Variants in SLC9A9 observed in about 807,000 individuals in gnomAD.
SLC9A9 encodes the protein solute carrier family 9 member A9.
In SLC9A9, 62 loss-of-function variants were observed where a neutral mutation model predicts 77.8. The observed-to-expected ratio is 0.80, with a 90% CI of 0.65 to 0.98. SLC9A9 has a LOEUF of 0.98. Ranked by LOEUF, SLC9A9 falls within the 50% of genes least tolerant of loss-of-function variation. The probability of loss-of-function intolerance (pLI) is 0.00; values close to 1 mark genes in which losing one functional copy is unlikely to be tolerated. For missense variants in SLC9A9, 775 were observed against 774.9 expected (o/e 1.00, Z 0.00); for synonymous variants, 320 against 283.5 (o/e 1.13, Z -1.29).
intron 6 of SLC9A9, among the ~76,000 whole-genome samples, chr3:143,651,391 G>C (rs927606458): frequency 2.0e-5 from 3 of 152,172 alleles, no homozygotes; most frequent in Non-Finnish European, 4.4e-5. Context: ...AAAAAGAGTA[G>C]TGCTGCTCTG....
At chr3:143,403,108 T>C (rs1482091237) in intron 12 of SLC9A9, among the ~76,000 whole-genome samples, 1 of 152,174 alleles carries the variant, frequency 6.6e-6, no homozygotes, top group Non-Finnish European at 1.5e-5. Flanking sequence ...ATATATGTTA[T>C]AAACACAATT....
chr3:143,781,029 C>T (rs1335558022), intron 4 of SLC9A9, among the ~76,000 whole-genome samples: 3 of 152,064 alleles, frequency 2.0e-5, no homozygotes, highest in East Asian at 3.8e-4. Context: ...AAATATGTCC[C>T]CATATACTCT....
At chr3:143,807,371 A>G (rs1003561612) in intron 2 of SLC9A9, among the ~76,000 whole-genome samples, 1 of 152,266 alleles carries the variant, frequency 6.6e-6, no homozygotes. Flanking sequence ...ATGAGCCAGT[A>G]TAACAAAAGA....
chr3:143,497,614 A>G (rs892787391), intron 9 of SLC9A9, among the ~76,000 whole-genome samples: 7 of 152,214 alleles, frequency 4.6e-5, no homozygotes, highest in Non-Finnish European at 8.8e-5. Context: ...CGCCTGAAAG[A>G]GAAGCCAGTT....
intron 6 of SLC9A9, among the ~76,000 whole-genome samples, chr3:143,590,088 TA>T (rs1387925697): frequency 2.0e-5 from 3 of 152,226 alleles, no homozygotes; most frequent in African/African-American, 7.2e-5. Context: ...AATATGAAAC[TA>T]TATCCCATAT....
intron 2 of SLC9A9, among the ~76,000 whole-genome samples, chr3:143,798,651 G>A (rs1452778980): frequency 1.3e-5 from 2 of 152,128 alleles, no homozygotes; most frequent in African/African-American, 4.8e-5. Context: ...AAACTCGACA[G>A]TGGTTCCAAA....
At chr3:143,414,968 C>T (rs1295782724) in intron 12 of SLC9A9, among the ~76,000 whole-genome samples, 2 of 152,116 alleles carry the variant, frequency 1.3e-5, no homozygotes, top group Non-Finnish European at 2.9e-5. Context: ...GGGAACACAC[C>T]GATGGCAAGA....
chr3:143,723,188 G>A (rs1205427057), intron 4 of SLC9A9, among the ~76,000 whole-genome samples: 2 of 151,894 alleles, frequency 1.3e-5, no homozygotes, highest in African/African-American at 4.8e-5. Context: ...AAAATAATAT[G>A]TCTCCCTGGG....
chr3:143,790,812 TTCTC>T (rs1366208039), intron 4 of SLC9A9, among the ~76,000 whole-genome samples: 8 of 152,250 alleles, frequency 5.3e-5, no homozygotes, highest in Non-Finnish European at 5.9e-5. Context: ...TTAAAATTAA[TTCTC>T]CATTCCTGAT....
Position 143,848,363 on chromosome 3 carries a change from A to G in SLC9A9, c.-41T>C, listed in dbSNP as rs1240255244. The G allele has an allele frequency of 1.4e-5, 23 of 1,613,514 alleles. No homozygotes were observed. Among genetic ancestry groups the G allele is most frequent in the Non-Finnish European group, 1.9e-5 (23 of 1,179,600 alleles). On this transcript the variant is annotated 5_prime_UTR_variant, in exon 1 of 16. Transcript: ENST00000316549. ...GGATTCCTTAGATAAAAACCTGGAT[A>G]AAGGCTATTTTATCAAGATTTGCCT...
chr3:143,795,116 A>T (rs763881606), intron 3 of SLC9A9, 39 bp from the exon 4 acceptor site: 17 of 1,562,616 alleles, frequency 1.1e-5, no homozygotes, highest in Non-Finnish European at 1.4e-5. Context: ...GTACATCAGA[A>T]TTTTTTCTTA....
At chr3:143,688,967 A>G (rs904540552) in intron 5 of SLC9A9, among the ~76,000 whole-genome samples, 10 of 151,690 alleles carry the variant, frequency 6.6e-5, no homozygotes, top group Non-Finnish European at 1.3e-4. Context: ...TTTATTATAA[A>G]TTACATGAAT....
At position 143,837,540 on chromosome 3, in the gene SLC9A9, A is replaced by G. The variant is rs554307248; in HGVS notation, c.176-5319T>C. 3.7e-3 allele frequency among the ~76,000 whole-genome samples: 567 copies of G among 152,282 alleles called. 5 individuals are homozygous for G. Among genetic ancestry groups the G allele is most frequent in the African/African-American group, 0.013 (545 of 41,546 alleles). On this transcript the variant is annotated intron_variant, in intron 1 of 15. Coordinates refer to ENST00000316549, the MANE Select transcript of SLC9A9 (RefSeq NM_173653.4). ...AGCCTCAAACCATGTAATATTATATAATATCATATTTCAAACTGGTAAGTG... is the reference window on the plus strand; with the variant it reads ...AGCCTCAAACCATGTAATATTATATGATATCATATTTCAAACTGGTAAGTG...
At chr3:143,369,741 C>A (rs1413341027) in intron 13 of SLC9A9, among the ~76,000 whole-genome samples, 1 of 152,066 alleles carries the variant, frequency 6.6e-6, no homozygotes, top group Non-Finnish European at 1.5e-5. Context: ...GCTCATTTTT[C>A]ATAAATAGAA....
In SLC9A9 at chr3:143,265,620, C is replaced by T. The variant is rs1046471295; in HGVS notation, c.*1082G>A. 1 of 357,140 alleles carries T rather than the reference C, an allele frequency of 2.8e-6. No homozygotes were observed. The highest frequency in any genetic ancestry group is 4.2e-5 in the East Asian group (1 of 24,004). The allele number at this position is 357,140 out of a possible 1,614,324, so 22.1% of individuals were successfully genotyped here. Reference sequence around the variant, plus strand: ...TGAGGTATCTTTATGGCTTAAAAGGCACAGGTCATGCAGCTGAATTAAAAG... The same window carrying T: ...TGAGGTATCTTTATGGCTTAAAAGGTACAGGTCATGCAGCTGAATTAAAAG... On this transcript the variant is annotated 3_prime_UTR_variant, in exon 16 of 16. Transcript: ENST00000316549.
At chr3:143,514,748 C>G (rs1161651045) in intron 9 of SLC9A9, among the ~76,000 whole-genome samples, 1 of 152,326 alleles carries the variant, frequency 6.6e-6, no homozygotes, top group East Asian at 1.9e-4. Flanking sequence ...AAGGGAGGGT[C>G]TTGCTCTGCA....
chr3:143,772,981 A>G (rs1208616497), intron 4 of SLC9A9, among the ~76,000 whole-genome samples: 1 of 152,248 alleles, frequency 6.6e-6, no homozygotes, highest in Non-Finnish European at 1.5e-5. Flanking sequence ...GAACTGAATG[A>G]GATGCAAAAT....
At chr3:143,836,996 T>G (rs1043323614) in intron 1 of SLC9A9, among the ~76,000 whole-genome samples, 1 of 152,200 alleles carries the variant, frequency 6.6e-6, no homozygotes, top group African/African-American at 2.4e-5. Context: ...CCCTTGCATC[T>G]TACTGATGGT....
chr3:143,439,349 G>T (rs185595630), intron 12 of SLC9A9, among the ~76,000 whole-genome samples: 12 of 152,182 alleles, frequency 7.9e-5, no homozygotes, highest in Non-Finnish European at 1.8e-4. Context: ...CCTCTGAGCC[G>T]GTCTTCTTAG....
Sources: allele counts gnomAD v4.1 joint callset (sites outside exome capture counted in the v4.1 genomes callset), GRCh38; gene constraint gnomAD v4.1.1; transcripts MANE v1.5; gene names NCBI Gene and HGNC (gene_info 2026-07-23, HGNC 2026-07-21).